Variants in TAF2 observed in about 807,000 individuals in gnomAD.
The protein encoded by TAF2 is TATA-box binding protein associated factor 2, also known as transcription initiation factor TFIID subunit 2.
In TAF2, 61 loss-of-function variants were observed where a neutral mutation model predicts 138.5. That is an observed-to-expected ratio of 0.44 (90% CI 0.36 to 0.54). The LOEUF is 0.54. Ranked by LOEUF, TAF2 falls within the 20% of genes least tolerant of loss-of-function variation. The pLI is 0.00. For missense variants in TAF2, 1,090 were observed against 1,427.9 expected, an observed-to-expected ratio of 0.76 and a Z score of 3.81; for synonymous variants, 475 against 469.9, an observed-to-expected ratio of 1.01 and a Z score of -0.14.
chr8:119,812,717 T>C (rs992649408), intron 3 of TAF2, among the ~76,000 whole-genome samples: 11 of 103,858 alleles, frequency 1.1e-4, no homozygotes, highest in Admixed American at 7.1e-4. Context: ...TAGTATTCCA[T>C]GGTGTGTGTG....
chr8:119,731,877 A>G lies in TAF2; in HGVS notation c.*47T>C. ...CTTCACAGAGGACAAAGCTTTAGTTACATACATTCTTCTGGACATGAAAGG... is the reference window on the plus strand; with the variant it reads ...CTTCACAGAGGACAAAGCTTTAGTTGCATACATTCTTCTGGACATGAAAGG... On this transcript the variant is annotated 3_prime_UTR_variant, in exon 26 of 26. Transcript: ENST00000378164. 1 of 1,565,454 alleles carries G rather than the reference A, an allele frequency of 6.4e-7. No individual in the cohort carries two copies. The highest frequency in any genetic ancestry group is 1.4e-5 in the African/African-American group (1 of 73,964).
rs1325952511 is a variant in TAF2 at position 119,788,396 on chromosome 8, G to A, written c.1735C>T (p.Leu579=). 1.2e-6 allele frequency: 2 copies of A among 1,613,372 alleles called. No homozygotes were observed. Among genetic ancestry groups the A allele is most frequent in the Non-Finnish European group, 1.7e-6 (2 of 1,179,836 alleles). ...TTAAGGCTGTTTTCTTCAATTTGCA[G>A]TGTATGATTGAAGGATCCATCTAAC... ...QELDGSFNHT[L]QIEENSLKHD... Residue 579 remains leucine (L), a synonymous_variant, in exon 14 of 26, where the codon CTG becomes TTG. Coordinates refer to ENST00000378164, the MANE Select transcript of TAF2 (RefSeq NM_003184.4).
chr8:119,806,834 T>A (rs1452051553), intron 3 of TAF2, among the ~76,000 whole-genome samples: 1 of 152,164 alleles, frequency 6.6e-6, no homozygotes, highest in African/African-American at 2.4e-5. Context: ...CTTATATAAT[T>A]TCTAAGAACA....
chr8:119,812,776 A>G (rs1482408071), intron 3 of TAF2, among the ~76,000 whole-genome samples: 12 of 142,324 alleles, frequency 8.4e-5, no homozygotes, highest in African/African-American at 2.6e-4. Context: ...TATATGGTGT[A>G]TGTGTGTGTG....
At position 119,744,386 on chromosome 8, in the gene TAF2, C is replaced by T; in HGVS notation, c.3116G>A (p.Ser1039Asn). Residue 1039 changes from serine (S) to asparagine (N), a missense_variant, in exon 24 of 26, where the codon AGT becomes AAT. By Grantham distance (46) the Ser-to-Asn change is conservative. Coordinates refer to ENST00000378164, the MANE Select transcript of TAF2 (RefSeq NM_003184.4). ...QLVGFQNPFS[S>N]SQDEEEIDMD... ...ATCAATCTCCTCCTCATCTTGAGAACTGGAAAACTAAAACACACACACATA... is the reference window on the plus strand; with the variant it reads ...ATCAATCTCCTCCTCATCTTGAGAATTGGAAAACTAAAACACACACACATA... 3 of 1,613,034 alleles carry T rather than the reference C, an allele frequency of 1.9e-6. No homozygotes were observed. Among genetic ancestry groups the T allele is most frequent in the Non-Finnish European group, 2.5e-6 (3 of 1,179,644 alleles).
Position 119,742,620 on chromosome 8 carries a change from G to T in TAF2, c.3251C>A (p.Ala1084Asp). Residue 1084 changes from alanine (A) to aspartate (D), a missense_variant, in exon 25 of 26, where the codon GCT becomes GAT. Around this residue, in one of 3 missense-constraint regions of TAF2, gnomAD observed 580 missense variants for 719.6 expected, o/e 0.81. Coordinates refer to ENST00000378164, the MANE Select transcript of TAF2 (RefSeq NM_003184.4). ...SKYRPASSRS[A>D]LIPQHSAGCD... is the part of the protein sequence containing the mutation. Reference sequence around the variant, plus strand: ...GCCTGCTGAGTGCTGGGGTATTAAAGCAGATCGGGAGCTAGCTGGCCGATA... The same window carrying T: ...GCCTGCTGAGTGCTGGGGTATTAAATCAGATCGGGAGCTAGCTGGCCGATA... 1 of 1,613,902 alleles carries T rather than the reference G, an allele frequency of 6.2e-7. No homozygotes were observed. Among genetic ancestry groups the T allele is most frequent in the East Asian group, 2.2e-5 (1 of 44,852 alleles).
At chr8:119,800,090 G>C (rs1824145282) in intron 6 of TAF2, among the ~76,000 whole-genome samples, 1 of 152,066 alleles carries the variant, frequency 6.6e-6, no homozygotes, top group African/African-American at 2.4e-5. Context: ...CAATTCTGTA[G>C]GTTGCCTGTT....
chr8:119,746,181 G>A (rs2131007530), intron 23 of TAF2, among the ~76,000 whole-genome samples: 1 of 152,002 alleles, frequency 6.6e-6, no homozygotes, highest in South Asian at 2.1e-4. Flanking sequence ...AGACCAGCCT[G>A]GCCAACATGG....
intron 17 of TAF2, among the ~76,000 whole-genome samples, chr8:119,778,940 A>G (rs1822451667): frequency 6.6e-6 from 1 of 152,154 alleles, no homozygotes; most frequent in Non-Finnish European, 1.5e-5. Flanking sequence ...AAATAACTAT[A>G]TCCTCTAAAA....
intron 5 of TAF2, among the ~76,000 whole-genome samples, chr8:119,802,586 A>G (rs1322634431): frequency 6.6e-6 from 1 of 152,160 alleles, no homozygotes; most frequent in Non-Finnish European, 1.5e-5. Context: ...AGTGTGTAAG[A>G]CATTATCCCT....
intron 18 of TAF2, chr8:119,767,119 A>C (rs1029258710): frequency 1.3e-5 from 2 of 152,220 alleles, no homozygotes; most frequent in Admixed American, 1.3e-4. Flanking sequence ...ATCAATTCTT[A>C]TAATGTGATT....
chr8:119,789,956 T>A (rs1335559792), intron 11 of TAF2, among the ~76,000 whole-genome samples: 1 of 152,020 alleles, frequency 6.6e-6, no homozygotes, highest in Non-Finnish European at 1.5e-5. Flanking sequence ...ATATAAACAT[T>A]ATTGAATGTT....
chr8:119,732,103 A>T lies in TAF2; in HGVS notation c.3421T>A (p.Ser1141Thr). ...TGGTGATGGTGGTCACTGTGTTTGGAGGCTGTAGATTCCTTAGTAAAGACT... is the reference window on the plus strand; with the variant it reads ...TGGTGATGGTGGTCACTGTGTTTGGTGGCTGTAGATTCCTTAGTAAAGACT... ...LSVFTKESTA[S>T]KHSDHHHHHH... The change falls in exon 26 of 26, where the codon TCC (serine) becomes ACC (threonine). Residue 1141 changes from serine (S) to threonine (T), a missense_variant. Transcript: ENST00000378164. 1.2e-6 allele frequency: 2 copies of T among 1,614,020 alleles called. No homozygotes were observed. The highest frequency in any genetic ancestry group is 1.7e-6 in the Non-Finnish European group (2 of 1,179,992).
intron 2 of TAF2, among the ~76,000 whole-genome samples, chr8:119,822,423 C>T (rs1181956225): frequency 6.6e-6 from 1 of 151,994 alleles, no homozygotes; most frequent in Non-Finnish European, 1.5e-5. Context: ...CGGGTCTTAT[C>T]ATGTTGCCCA....
In TAF2 at chr8:119,790,714, C is replaced by T. The variant is rs147264725; in HGVS notation, c.1413+610G>A. 1.6e-3 allele frequency among the ~76,000 whole-genome samples: 248 copies of T among 152,166 alleles called. 1 individual carries two copies. Among genetic ancestry groups the T allele is most frequent in the African/African-American group, 5.6e-3 (234 of 41,530 alleles). On this transcript the variant is annotated intron_variant, in intron 11 of 25. Transcript: ENST00000378164. ...TTGGTTTACGTTTTTCTATTGAAAA[C>T]AGTTTAAAGTGGCATTTCATCCTTA...
intron 2 of TAF2, among the ~76,000 whole-genome samples, chr8:119,821,278 G>A (rs1046986257): frequency 2.6e-5 from 4 of 151,982 alleles, no homozygotes; most frequent in Non-Finnish European, 4.4e-5. Context: ...CAAGCCTCTC[G>A]GGTCATCTAG....
intron 25 of TAF2, among the ~76,000 whole-genome samples, chr8:119,737,511 CTT>C (rs34513662): frequency 8.0e-5 from 11 of 137,308 alleles, no homozygotes; most frequent in Non-Finnish European, 1.1e-4. Context: ...TTTTCTTTTT[CTT>C]TTTTTTTTTT....
chr8:119,764,145 CA>C (rs965207157), intron 18 of TAF2, among the ~76,000 whole-genome samples: 3 of 150,222 alleles, frequency 2.0e-5, no homozygotes, highest in African/African-American at 7.4e-5. Flanking sequence ...GACTCCATCT[CA>C]AAAAAAATAA....
intron 8 of TAF2, 47 bp from the exon 9 acceptor site, chr8:119,795,678 C>T: frequency 1.3e-6 from 2 of 1,498,816 alleles, no homozygotes; most frequent in Non-Finnish European, 9.3e-7. Context: ...ATAAAAACTC[C>T]TCAGATAATG....
Sources: gnomAD v4.1 joint callset for allele counts (sites outside exome capture counted in the v4.1 genomes callset) on GRCh38, gnomAD v4.1.1 for gene constraint, gnomAD v4.1.1 regional missense constraint, MANE v1.5 for transcripts, NCBI Gene and HGNC (gene_info 2026-07-23, HGNC 2026-07-21) for gene names.